The following PER1 variants were observed in gnomAD, a reference collection of about 807,000 sequenced individuals.
PER1 encodes period circadian regulator 1, also known as period circadian protein homolog 1.
PER1 carries 87 observed loss-of-function variants against 125.9 expected under a neutral mutation model. That is an observed-to-expected ratio of 0.69 (90% CI 0.58 to 0.83). The LOEUF is 0.83. PER1 is among the 40% of genes least tolerant of loss of function. The pLI, the probability that PER1 is intolerant of heterozygous loss-of-function variation, is 0.00. For missense variants in PER1, 1,775 were observed against 1,722.8 expected (o/e 1.03, Z -0.54); for synonymous variants, 801 against 714.7 (o/e 1.12, Z -1.93).
In PER1 at chr17:8,148,690, C is replaced by T; in HGVS notation, c.1002G>A (p.Gln334=). ...KIRVSDGAPA[Q]PCCLLIAERI... is the part of the protein sequence containing the mutation. ...GCTCTGCAATCAGCAGGCAGCACGGCTGTGCAGGGGCCCCATCTGAGACCC... is the reference window on the plus strand; with the variant it reads ...GCTCTGCAATCAGCAGGCAGCACGGTTGTGCAGGGGCCCCATCTGAGACCC... The change falls in exon 8 of 23, where the codon CAG becomes CAA. Residue 334 remains glutamine, a synonymous_variant. Coordinates refer to ENST00000317276, the MANE Select transcript of PER1 (RefSeq NM_002616.3). 1 of 1,613,768 alleles carries T rather than the reference C, an allele frequency of 6.2e-7. No individual in the cohort carries two copies. Among genetic ancestry groups the T allele is most frequent in the Non-Finnish European group, 8.5e-7 (1 of 1,179,868 alleles).
At position 8,149,213 on chromosome 17, in the gene PER1, CA is replaced by C. The variant is rs78404230; in HGVS notation, c.905+45del. The stretch of plus-strand genomic sequence containing the variant: ...CAAAAAGCAAAAACAAAAACAAAAA[CA>C]AAAAAAAAAGGAGGCAGAGGTCTTC... On this transcript the variant is annotated intron_variant, in intron 7 of 22. Coordinates refer to ENST00000317276, the MANE Select transcript of PER1 (RefSeq NM_002616.3). 9.9e-3 allele frequency: 3,656 copies of C among 367,780 alleles called. 18 individuals are homozygous for C. The highest frequency in any genetic ancestry group is 0.043 in the African/African-American group (916 of 21,446). The allele number at this position is 367,780 out of a possible 1,614,324, so 22.8% of individuals were successfully genotyped here.
intron 17 of PER1, among the ~76,000 whole-genome samples, chr17:8,145,457 G>T (rs1001722712): frequency 6.6e-6 from 1 of 151,666 alleles, no homozygotes; most frequent in African/African-American, 2.4e-5. Flanking sequence ...CCGAGTAGCT[G>T]GGACTACAGG....
In PER1 at chr17:8,142,653, G is replaced by A; in HGVS notation, c.3255C>T (p.Ile1085=). 2 of 1,613,876 alleles carry A rather than the reference G, an allele frequency of 1.2e-6. No individual in the cohort carries two copies. Among genetic ancestry groups the A allele is most frequent in the Non-Finnish European group, 1.7e-6 (2 of 1,179,952 alleles). Residue 1085 remains isoleucine, a synonymous_variant, in exon 20 of 23, where the codon ATC becomes ATT. Transcript: ENST00000317276. ...SHEGGSTSAS[I]TRSSQSSHTS... ...TGCTGGAGGCGGGGTACTCACGAGT[G>A]ATGCTGGCTGAGGTGCTGCCCCCTT...
At chr17:8,148,427 T>C (rs542214180) in intron 8 of PER1, among the ~76,000 whole-genome samples, 168 bp from the exon 9 acceptor site, 2 of 152,288 alleles carry the variant, frequency 1.3e-5, no homozygotes, top group East Asian at 3.9e-4. Context: ...ATCAGTAACA[T>C]GACTGAGAGC....
chr17:8,144,553 C>T, intron 18 of PER1, 198 bp downstream of exon 18: 1 of 639,222 alleles, frequency 1.6e-6, no homozygotes, highest in Non-Finnish European at 2.5e-6. Flanking sequence ...CCCCAGGCTG[C>T]CCTCCTCTGG....
At position 8,142,629 on chromosome 17, in the gene PER1, G is replaced by C; in HGVS notation, c.3259+20C>G. Reference sequence around the variant, plus strand: ...CAATCACTGCCCTACCCTGGGAGATGCTGGAGGCGGGGTACTCACGAGTGA... The same window carrying C: ...CAATCACTGCCCTACCCTGGGAGATCCTGGAGGCGGGGTACTCACGAGTGA... On this transcript the variant is annotated intron_variant, in intron 20 of 22. Transcript: ENST00000317276. 6.2e-7 allele frequency: 1 copy of C among 1,612,102 alleles called. No homozygotes were observed. The highest frequency in any genetic ancestry group is 8.5e-7 in the Non-Finnish European group (1 of 1,178,632).
intron 16 of PER1, 107 bp downstream of exon 16, chr17:8,146,265 G>T: frequency 6.6e-7 from 1 of 1,518,186 alleles, no homozygotes; most frequent in Non-Finnish European, 8.9e-7. Flanking sequence ...CCAGGAGGCT[G>T]GGGAGGAGAG....
intron 18 of PER1, chr17:8,144,360 G>A (rs976530629): frequency 4.8e-6 from 2 of 416,634 alleles, no homozygotes; most frequent in African/African-American, 2.1e-5. Flanking sequence ...CACCTGGAGG[G>A]GCTGCCTTCC....
At chr17:8,144,602 C>T (rs1413220454) in intron 18 of PER1, 149 bp downstream of exon 18, 2 of 1,069,216 alleles carry the variant, frequency 1.9e-6, no homozygotes, top group African/African-American at 1.6e-5. Context: ...GAGAAGCTAG[C>T]GAGGGGCCTG....
rs755880428 is a variant in PER1, at chr17:8,148,027, G to A, written c.1204C>T (p.Arg402Ter). The change falls in exon 10 of 23, where the codon CGA becomes TGA. Residue 402 changes from arginine (R) to a stop codon, truncating the protein, a stop_gained. Coordinates refer to ENST00000317276, the MANE Select transcript of PER1 (RefSeq NM_002616.3). LOFTEE classifies it high-confidence loss of function. ...PVLLFLHPEDRPLMLAIHKKI... is the reference protein window; with the variant it reads ...PVLLFLHPED The stretch of plus-strand genomic sequence containing the variant: ...TTGTGGATAGCCAGCATGAGGGGTC[G>A]GTCCTCAGGATGCAGGAACAGGAGC... 3.1e-6 allele frequency: 5 copies of A among 1,613,082 alleles called. No homozygotes were observed. Among genetic ancestry groups the A allele is most frequent in the African/African-American group, 1.3e-5 (1 of 75,010 alleles).
At chr17:8,149,223 A>T in intron 7 of PER1, 36 bp downstream of exon 7, 3 of 1,574,772 alleles carry the variant, frequency 1.9e-6, no homozygotes, top group Non-Finnish European at 2.6e-6. Context: ...CAAAAAAAAA[A>T]GGAGGCAGAG....
intron 22 of PER1, 61 bp from the exon 23 acceptor site, chr17:8,141,401 G>A (rs1035948530): frequency 5.7e-5 from 86 of 1,518,316 alleles, no homozygotes; most frequent in Admixed American, 7.7e-5. Flanking sequence ...ACCTGCCAGC[G>A]CAGCTTCCCA....
chr17:8,149,097 G>A (rs56408410), intron 7 of PER1, 162 bp downstream of exon 7: 172,681 of 690,998 alleles, frequency 0.25, 23,127 homozygotes, highest in Non-Finnish European at 0.29. Flanking sequence ...GCTGAGGCAG[G>A]AGAATCGCTT....
rs763063560 is a variant in PER1 at position 8,142,796 on chromosome 17, C to T, written c.3112G>A (p.Gly1038Ser). Residue 1038 changes from glycine to serine, a missense_variant, in exon 20 of 23, where the codon GGC becomes AGC. Coordinates refer to ENST00000317276, the MANE Select transcript of PER1 (RefSeq NM_002616.3). ...TESSNQDALS[G>S]SSDLLELLLQ... is the part of the protein sequence containing the mutation. ...AGAAGTTCGAGCAGGTCACTGGAGCCGGAAAGTGCGTCCTGATTGGAGGAC... is the reference window on the plus strand; with the variant it reads ...AGAAGTTCGAGCAGGTCACTGGAGCTGGAAAGTGCGTCCTGATTGGAGGAC... 1.2e-5 allele frequency: 20 copies of T among 1,611,816 alleles called. No homozygotes were observed. Among genetic ancestry groups the T allele is most frequent in the Middle Eastern group, 1.6e-4 (1 of 6,080 alleles).
At chr17:8,141,740 TTCTTTTTTCTCCCCCTTGAACTTGAGCTC>T in intron 22 of PER1, 36 bp downstream of exon 22, 1 of 1,549,154 alleles carries the variant, frequency 6.5e-7, no homozygotes, top group East Asian at 2.3e-5. Flanking sequence ...TTGAGCTCAA[TTCTTTTTTCTCCCCCTTGAACTTGAGCTC>T]AATTCTTTTT....
rs1228769601 is a variant in PER1, at chr17:8,142,733, C to A, written c.3175G>T (p.Ala1059Ser). 1 of 1,613,866 alleles carries A rather than the reference C, an allele frequency of 6.2e-7. No individual in the cohort carries two copies. Among genetic ancestry groups the A allele is most frequent in the Non-Finnish European group, 8.5e-7 (1 of 1,179,996 alleles). Residue 1059 changes from alanine to serine, a missense_variant, in exon 20 of 23, where the codon GCC (alanine) becomes TCC (serine). Physicochemically the swap from Ala to Ser is moderately conservative, Grantham distance 99. Coordinates refer to ENST00000317276, the MANE Select transcript of PER1 (RefSeq NM_002616.3). ...AAGCCAGAGCCCAAGGAGCCCGAGG[C>A]TGCGGAGCCTGTGCCGGAGCGCGAG... ...EDSRSGTGSA[A>S]SGSLGSGLGS... is the part of the protein sequence containing the mutation.
Position 8,143,791 on chromosome 17 carries a change from C to T in PER1, c.2547G>A (p.Arg849=). 6.2e-7 allele frequency: 1 copy of T among 1,609,672 alleles called. No individual in the cohort carries two copies. Among genetic ancestry groups the T allele is most frequent in the South Asian group, 1.1e-5 (1 of 90,658 alleles). ...GTGAGACATAGCAGGGCGCTTCAGC[C>T]CGAGGGTTCTGGTGGTGGCGTGAGC... ...AKRSRHHQNP[R]AEAPCYVSHP... is the part of the protein sequence containing the mutation. Residue 849 remains arginine, a synonymous_variant, in exon 19 of 23, where the codon CGG becomes CGA. Coordinates refer to ENST00000317276, the MANE Select transcript of PER1 (RefSeq NM_002616.3).
At chr17:8,141,487 AGGTTG>A in intron 22 of PER1, 147 bp from the exon 23 acceptor site, 2 of 945,926 alleles carry the variant, frequency 2.1e-6, no homozygotes, top group Non-Finnish European at 3.1e-6. Context: ...CGGTCCAACA[AGGTTG>A]GACAGTGCCT....
intron 22 of PER1, 73 bp from the exon 23 acceptor site, chr17:8,141,413 C>CCCCAG: frequency 1.3e-6 from 2 of 1,488,546 alleles, no homozygotes; most frequent in East Asian, 4.6e-5. Flanking sequence ...AGCTTCCCAC[C>CCCCAG]CCCAGCCCAC....
Sources: allele counts gnomAD v4.1 joint callset (sites outside exome capture counted in the v4.1 genomes callset), GRCh38; gene constraint gnomAD v4.1.1; transcripts MANE v1.5; gene names NCBI Gene and HGNC (gene_info 2026-07-23, HGNC 2026-07-21).